SIDT1: variants seen among roughly 807,000 people sequenced by gnomAD.
SIDT1 encodes the protein SID1 transmembrane family, member 1.
In SIDT1, 101 loss-of-function variants were observed where a neutral mutation model predicts 107.5. That is an observed-to-expected ratio of 0.94 (90% confidence interval 0.80 to 1.11). The LOEUF is 1.11. Ranked by LOEUF, SIDT1 falls within the 50% of genes least tolerant of loss-of-function variation. SIDT1 has a pLI of 0.00. For synonymous variants in SIDT1, 395 were observed against 398.2 expected, an observed-to-expected ratio of 0.99 and a Z score of 0.10; for missense variants, 1,076 against 1,058.2, an observed-to-expected ratio of 1.02 and a Z score of -0.23.
At chr3:113,588,933 G>A (rs1359754857) in intron 9 of SIDT1, 1 of 152,232 alleles carries the variant, frequency 6.6e-6, no homozygotes, top group Non-Finnish European at 1.5e-5. Flanking sequence ...CCAGGTGGGT[G>A]TGATGAGAGA....
chr3:113,564,333 T>C (rs963341480), intron 1 of SIDT1, among the ~76,000 whole-genome samples: 1 of 152,252 alleles, frequency 6.6e-6, no homozygotes, highest in Non-Finnish European at 1.5e-5. Flanking sequence ...TTATTAAAAC[T>C]GGATGATAAG....
intron 1 of SIDT1, among the ~76,000 whole-genome samples, chr3:113,560,362 GC>G (rs879795189): frequency 3.3e-5 from 5 of 152,160 alleles, no homozygotes; most frequent in Non-Finnish European, 2.9e-5. Context: ...AGTTATTGGT[GC>G]TTTTTCCATT....
intron 4 of SIDT1, among the ~76,000 whole-genome samples, chr3:113,578,466 CAA>C (rs1180260673): frequency 0.049 from 3,640 of 74,994 alleles, 72 homozygotes; most frequent in East Asian, 0.19. Flanking sequence ...GACTCTGTCT[CAA>C]AAAAAAAAAA....
intron 9 of SIDT1, among the ~76,000 whole-genome samples, chr3:113,585,946 A>G (rs1943712640): frequency 6.6e-6 from 1 of 152,210 alleles, no homozygotes; most frequent in Admixed American, 6.5e-5. Flanking sequence ...TCTCTGTGAA[A>G]CAACTACAAA....
chr3:113,593,801 C>A (rs1329738001), intron 10 of SIDT1, among the ~76,000 whole-genome samples: 2 of 152,186 alleles, frequency 1.3e-5, no homozygotes. Context: ...AACTGAAATA[C>A]TTGACCCTAG....
intron 1 of SIDT1, among the ~76,000 whole-genome samples, chr3:113,543,714 G>A (rs577705750): frequency 1.3e-5 from 2 of 152,094 alleles, no homozygotes; most frequent in African/African-American, 4.8e-5. Context: ...TTCTTTTTCT[G>A]TAACTTTAAA....
intron 1 of SIDT1, among the ~76,000 whole-genome samples, chr3:113,549,555 A>G (rs1423443528): frequency 6.6e-6 from 1 of 152,184 alleles, no homozygotes; most frequent in African/African-American, 2.4e-5. Flanking sequence ...CCATCTATAT[A>G]TCTTCTCTGG....
At chr3:113,611,213 A>C in intron 18 of SIDT1, 69 bp downstream of exon 18, 1 of 1,558,736 alleles carries the variant, frequency 6.4e-7, no homozygotes, top group Non-Finnish European at 8.7e-7. Flanking sequence ...ACAAACAACA[A>C]TCAAGTGAAC....
chr3:113,544,131 C>T (rs1939275678), intron 1 of SIDT1, among the ~76,000 whole-genome samples: 1 of 151,916 alleles, frequency 6.6e-6, no homozygotes, highest in Non-Finnish European at 1.5e-5. Flanking sequence ...GTCCAGGATC[C>T]AATCCAAGAA....
the SIDT1 span, among the ~76,000 whole-genome samples, chr3:113,634,578 C>A: frequency 6.6e-6 from 1 of 152,040 alleles, no homozygotes; most frequent in South Asian, 2.1e-4. Context: ...AGTGGATCAC[C>A]TGAGGTCAGT....
intron 11 of SIDT1, 23 bp from the exon 12 acceptor site, chr3:113,602,982 C>A: frequency 6.2e-7 from 1 of 1,611,600 alleles, no homozygotes; most frequent in Admixed American, 1.7e-5. Flanking sequence ...CTTTTGATGG[C>A]AGATGAGTTG....
At chr3:113,565,234 A>G (rs1426487517) in intron 1 of SIDT1, among the ~76,000 whole-genome samples, 2 of 152,146 alleles carry the variant, frequency 1.3e-5, no homozygotes, top group Non-Finnish European at 2.9e-5. Context: ...CTATGGTATT[A>G]TAAGAATTGA....
chr3:113,575,587 T>C (rs1300266674), intron 3 of SIDT1, among the ~76,000 whole-genome samples: 1 of 152,250 alleles, frequency 6.6e-6, no homozygotes, highest in African/African-American at 2.4e-5. Context: ...ATGATTTCTG[T>C]TGCAAGTAGA....
chr3:113,623,322 A>T, intron 21 of SIDT1, 105 bp from the exon 22 acceptor site: 1 of 598,820 alleles, frequency 1.7e-6, no homozygotes, highest in East Asian at 2.8e-5. Context: ...GTTAAAAAAA[A>T]AAAAAGAACC....
intron 1 of SIDT1, among the ~76,000 whole-genome samples, chr3:113,536,130 T>C (rs1314252069): frequency 6.6e-6 from 1 of 152,228 alleles, no homozygotes; most frequent in Non-Finnish European, 1.5e-5. Flanking sequence ...AGCGACGCTC[T>C]CTTTCAGGCG....
At chr3:113,631,149 C>T (rs555816035), downstream of SIDT1, among the ~76,000 whole-genome samples, 3 of 152,268 alleles carry the variant, frequency 2.0e-5, no homozygotes, top group South Asian at 6.2e-4. Flanking sequence ...AATGTGACAC[C>T]TCATCACTGC....
chr3:113,533,293 G>A, intron 1 of SIDT1, 50 bp downstream of exon 1: 1 of 1,321,126 alleles, frequency 7.6e-7, no homozygotes, highest in African/African-American at 1.5e-5. Context: ...CCAGATCTCA[G>A]AGCCCCGTCG....
In SIDT1 at chr3:113,612,080, T is replaced by G. The variant is rs563478692; in HGVS notation, c.1858-6T>G. On this transcript the variant is annotated splice_polypyrimidine_tract_variant and splice_region_variant and intron_variant, in intron 18 of 24. Transcript: ENST00000264852. Reference sequence around the variant, plus strand: ...AGATGAAGGTAACTTCCATCTTTACTCCTAGGTGTTTGGAAAAAATGACGT... The same window carrying G: ...AGATGAAGGTAACTTCCATCTTTACGCCTAGGTGTTTGGAAAAAATGACGT... 1 of 1,610,070 alleles carries G rather than the reference T, an allele frequency of 6.2e-7. No homozygotes were observed. Among genetic ancestry groups the G allele is most frequent in the African/African-American group, 1.3e-5 (1 of 74,946 alleles).
At position 113,612,070 on chromosome 3, in the gene SIDT1, C is replaced by T; in HGVS notation, c.1858-16C>T. The T allele has an allele frequency of 1.3e-6, 2 of 1,584,870 alleles. No individual in the cohort carries two copies. Among genetic ancestry groups the T allele is most frequent in the South Asian group, 1.1e-5 (1 of 90,494 alleles). On this transcript the variant is annotated splice_polypyrimidine_tract_variant and intron_variant, in intron 18 of 24. Transcript: ENST00000264852. ...GGAAAACCTCAGATGAAGGTAACTTCCATCTTTACTCCTAGGTGTTTGGAA... is the reference window on the plus strand; with the variant it reads ...GGAAAACCTCAGATGAAGGTAACTTTCATCTTTACTCCTAGGTGTTTGGAA...
Sources: gnomAD v4.1 joint callset for allele counts (sites outside exome capture counted in the v4.1 genomes callset) on GRCh38, gnomAD v4.1.1 for gene constraint, MANE v1.5 for transcripts, NCBI Gene and HGNC (gene_info 2026-07-23, HGNC 2026-07-21) for gene names.